Variants in RFFL observed in about 807,000 individuals in gnomAD.
The protein encoded by RFFL is ring finger and FYVE like domain containing E3 ubiquitin protein ligase.
RFFL carries 16 observed loss-of-function variants against 40.4 expected under a neutral mutation model. That is an observed-to-expected ratio of 0.40 (90% CI 0.27 to 0.60). The LOEUF is 0.60. RFFL is among the 20% of genes least tolerant of loss of function. RFFL has a pLI of 0.47. For synonymous variants in RFFL, 154 were observed against 167.9 expected, an observed-to-expected ratio of 0.92 and a Z score of 0.64; for missense variants, 367 against 451.7, an observed-to-expected ratio of 0.81 and a Z score of 1.70.
At chr17:35,014,860 C>A in intron 5 of RFFL, 97 bp from the exon 6 acceptor site, 1 of 1,243,134 alleles carries the variant, frequency 8.0e-7, no homozygotes, top group South Asian at 1.2e-5. Flanking sequence ...TCTTACCACT[C>A]CCTGCTGGGA....
chr17:35,037,192 G>T (rs944201901), intron 1 of RFFL, among the ~76,000 whole-genome samples: 2 of 152,128 alleles, frequency 1.3e-5, no homozygotes, highest in African/African-American at 4.8e-5. Flanking sequence ...TTTCTGACAT[G>T]ACAAATCAGA....
At chr17:35,084,475 T>C (rs1225462088) in intron 1 of RFFL, among the ~76,000 whole-genome samples, 2 of 152,010 alleles carry the variant, frequency 1.3e-5, no homozygotes, top group Non-Finnish European at 2.9e-5. Flanking sequence ...ACATCTGTGG[T>C]CCCAGCTACT....
intron 1 of RFFL, among the ~76,000 whole-genome samples, chr17:35,057,382 A>G (rs566609360): frequency 2.6e-5 from 4 of 151,826 alleles, no homozygotes; most frequent in South Asian, 4.2e-4. Context: ...AAAAATTATA[A>G]ATTATTTATT....
chr17:35,040,210 C>A (rs927036275), intron 1 of RFFL, among the ~76,000 whole-genome samples: 1 of 152,154 alleles, frequency 6.6e-6, no homozygotes, highest in African/African-American at 2.4e-5. Flanking sequence ...TACCTCAAAG[C>A]CTTTTTGCTG....
At chr17:35,029,500 T>C (rs1359621717) in intron 1 of RFFL, among the ~76,000 whole-genome samples, 1 of 149,158 alleles carries the variant, frequency 6.7e-6, no homozygotes, top group Non-Finnish European at 1.5e-5. Context: ...GCTGTCATCA[T>C]GCCCAGCTAA....
intron 1 of RFFL, among the ~76,000 whole-genome samples, chr17:35,073,055 A>AAAC (rs35650918): frequency 3.3e-5 from 5 of 151,714 alleles, no homozygotes; most frequent in African/African-American, 9.7e-5. Flanking sequence ...AAAAAAAAAA[A>AAAC]CATGAAATTA....
intron 1 of RFFL, chr17:35,036,665 G>A (rs1259708100): frequency 1.3e-5 from 2 of 152,184 alleles, no homozygotes; most frequent in East Asian, 3.9e-4. Context: ...AGTATTTCTT[G>A]GGAGAGTTAG....
rs138499621 is a variant in RFFL at position 35,021,396 on chromosome 17, G to T, written c.566C>A (p.Pro189Gln). The change falls in exon 3 of 7, where the codon CCA becomes CAA. Residue 189 changes from proline to glutamine, a missense_variant. Transcript: ENST00000394597. ...SSSAQATSVP[P>Q]AQVQENQQAN... Reference sequence around the variant, plus strand: ...CTGCTGATTCTCCTGAACCTGGGCTGGGGGAACAGAGGTGGCTTGTGCAGA... The same window carrying T: ...CTGCTGATTCTCCTGAACCTGGGCTTGGGGAACAGAGGTGGCTTGTGCAGA... 4.2e-4 allele frequency: 640 copies of T among 1,523,178 alleles called. 2 individuals are homozygous for T. Among genetic ancestry groups the T allele is most frequent in the South Asian group, 4.2e-4 (32 of 75,468 alleles). The allele number at this position is 1,523,178 out of a possible 1,614,324, so 94.4% of individuals were successfully genotyped here.
Position 35,017,429 on chromosome 17 carries a change from A to G in RFFL, c.675+94T>C, listed in dbSNP as rs188131572. 17 of 815,178 alleles carry G rather than the reference A, an allele frequency of 2.1e-5. No homozygotes were observed. In the African/African-American group the frequency reaches 2.2e-4, roughly 11 times the overall value. The allele number at this position is 815,178 out of a possible 1,614,324, so 50.5% of individuals were successfully genotyped here. ...AATTTCGGAAGCACTATCATCACAC[A>G]TTTATTCTCTCTCCACTCGACTCTG... On this transcript the variant is annotated intron_variant, in intron 4 of 6. Transcript: ENST00000394597.
At position 35,006,631 on chromosome 17, in the gene RFFL, G is replaced by C. The variant is rs2090897133; in HGVS notation, c.*5337C>G. ...ATGACTTTAGAACCCTCAGTTGCAG[G>C]TGTGCATGTTCCAGCCAACACTCCA... On this transcript the variant is annotated 3_prime_UTR_variant, in exon 7 of 7. Coordinates refer to ENST00000394597, the MANE Select transcript of RFFL (RefSeq NM_001017368.2). 1 of 152,180 alleles carries C rather than the reference G, an allele frequency of 6.6e-6. No individual in the cohort carries two copies. The highest frequency in any genetic ancestry group is 1.5e-5 in the Non-Finnish European group (1 of 68,068). 9.4% of individuals were successfully genotyped at this position (152,180 alleles called of 1,614,324 possible).
chr17:35,087,078 G>A (rs1035491224), intron 1 of RFFL, among the ~76,000 whole-genome samples: 19 of 152,092 alleles, frequency 1.2e-4, no homozygotes, highest in Non-Finnish European at 1.6e-4. Flanking sequence ...GAGGTGTTCC[G>A]GCCTGGCGCG....
In RFFL at chr17:35,008,640, T is replaced by A. The variant is rs1484740917; in HGVS notation, c.*3328A>T. On this transcript the variant is annotated 3_prime_UTR_variant, in exon 7 of 7. Coordinates refer to ENST00000394597, the MANE Select transcript of RFFL (RefSeq NM_001017368.2). ...GTTTTTTGTTTGTGTTTTTTTTTGT[T>A]TTGTTTTTTGAGACAGAGTCTCGCT... 1.3e-5 allele frequency: 2 copies of A among 152,014 alleles called. No individual in the cohort carries two copies. The highest frequency in any genetic ancestry group is 2.9e-5 in the Non-Finnish European group (2 of 68,026). 9.4% of individuals were successfully genotyped at this position (152,014 alleles called of 1,614,324 possible).
intron 1 of RFFL, among the ~76,000 whole-genome samples, chr17:35,056,905 T>C (rs917925692): frequency 6.8e-6 from 1 of 146,842 alleles, no homozygotes; most frequent in African/African-American, 2.5e-5. Context: ...CCCACCACCC[T>C]TTTTTTTTTT....
chr17:35,071,815 C>T (rs563820593), intron 1 of RFFL, among the ~76,000 whole-genome samples: 1 of 152,150 alleles, frequency 6.6e-6, no homozygotes, highest in Admixed American at 6.5e-5. Flanking sequence ...AATGCCCTTC[C>T]GGTGAATAGT....
rs1451777937 is a variant in RFFL at position 35,006,460 on chromosome 17, T to C, written c.*5508A>G. 1 of 152,262 alleles carries C rather than the reference T, an allele frequency of 6.6e-6. No individual in the cohort carries two copies. The highest frequency in any genetic ancestry group is 1.5e-5 in the Non-Finnish European group (1 of 68,090). The allele number at this position is 152,262 out of a possible 1,614,324, so 9.4% of individuals were successfully genotyped here. On this transcript the variant is annotated 3_prime_UTR_variant, in exon 7 of 7. Transcript: ENST00000394597. Reference sequence around the variant, plus strand: ...CCTCAATCCCTCCAAGTAGAATGGGTGCACCTAAATCATAGGGTTGTCCTG... The same window carrying C: ...CCTCAATCCCTCCAAGTAGAATGGGCGCACCTAAATCATAGGGTTGTCCTG...
At chr17:35,061,688 CTTT>C (rs61100671) in intron 1 of RFFL, among the ~76,000 whole-genome samples, 2 of 140,278 alleles carry the variant, frequency 1.4e-5, no homozygotes. Flanking sequence ...GTCTCAAACT[CTTT>C]TTTTTTTTTG....
At chr17:35,074,935 C>T (rs1337421393) in intron 1 of RFFL, among the ~76,000 whole-genome samples, 1 of 152,132 alleles carries the variant, frequency 6.6e-6, no homozygotes, top group Non-Finnish European at 1.5e-5. Context: ...CTGAACATGC[C>T]CAATGCTTCC....
chr17:35,026,926 A>T (rs1307464741), intron 1 of RFFL, among the ~76,000 whole-genome samples: 5 of 151,788 alleles, frequency 3.3e-5, no homozygotes, highest in Non-Finnish European at 7.4e-5. Context: ...CTAGTCTCGA[A>T]CTCCTGACCT....
chr17:35,057,222 C>G (rs551943598), intron 1 of RFFL, among the ~76,000 whole-genome samples: 1 of 152,180 alleles, frequency 6.6e-6, no homozygotes, highest in African/African-American at 2.4e-5. Flanking sequence ...CCCAGCCCCA[C>G]CACACTTTTG....
Sources: gnomAD v4.1 joint callset for allele counts (sites outside exome capture counted in the v4.1 genomes callset) on GRCh38, gnomAD v4.1.1 for gene constraint, MANE v1.5 for transcripts, NCBI Gene and HGNC (gene_info 2026-07-23, HGNC 2026-07-21) for gene names.